TBPL1: variants seen among roughly 807,000 people sequenced by gnomAD.
The protein encoded by TBPL1 is TATA box-binding protein-like 1.
A neutral mutation model predicts 22.1 loss-of-function variants in TBPL1; 4 were observed. That is an observed-to-expected ratio of 0.18 (90% CI 0.09 to 0.41). The LOEUF is 0.41. Ranked by LOEUF, TBPL1 falls within the 10% of genes least tolerant of loss-of-function variation. The pLI is 1.00. For missense variants in TBPL1, 115 were observed against 222.3 expected, an observed-to-expected ratio of 0.52 and a Z score of 3.07; for synonymous variants, 64 against 71.0, an observed-to-expected ratio of 0.90 and a Z score of 0.50.
At chr6:133,978,053 A>G (rs1035858048) in intron 1 of TBPL1, among the ~76,000 whole-genome samples, 6 of 152,190 alleles carry the variant, frequency 3.9e-5, no homozygotes, top group Non-Finnish European at 5.9e-5. Context: ...GCTGACATCT[A>G]TAGTATTTTA....
rs145377349 is a variant in TBPL1 at position 133,963,990 on chromosome 6, G to A, written c.-45+10565G>A. Among the ~76,000 whole-genome samples the A allele has an allele frequency of 1.9e-4, 29 of 152,200 alleles. No individual in the cohort carries two copies. In the East Asian group the frequency reaches 4.8e-3, roughly 25 times the overall value. The stretch of plus-strand genomic sequence containing the variant: ...TGGGAGGCGGAGGTTGCAATGAGCC[G>A]AGATCGTGACACTGCACTCCAGCCT... On this transcript the variant is annotated intron_variant, in intron 1 of 6. Transcript: ENST00000237264.
chr6:133,982,785 C>A, intron 3 of TBPL1, 32 bp from the exon 4 acceptor site: 2 of 1,604,484 alleles, frequency 1.2e-6, no homozygotes, highest in Non-Finnish European at 1.7e-6. Context: ...TCCTGTGTAA[C>A]TGATAATCTT....
At chr6:133,967,556 A>G (rs758489412) in intron 1 of TBPL1, among the ~76,000 whole-genome samples, 2 of 152,214 alleles carry the variant, frequency 1.3e-5, no homozygotes, top group Non-Finnish European at 2.9e-5. Context: ...CCCAGACGGT[A>G]GAATCTACTA....
At position 133,988,782 on chromosome 6, in the gene TBPL1, A is replaced by G. The variant is rs1776575863; in HGVS notation, c.*1742A>G. 6.6e-6 allele frequency: 1 copy of G among 152,160 alleles called. No individual in the cohort carries two copies. Among genetic ancestry groups the G allele is most frequent in the African/African-American group, 2.4e-5 (1 of 41,426 alleles). 9.4% of individuals were successfully genotyped at this position (152,160 alleles called of 1,614,324 possible). A position where few individuals can be genotyped will look rare whatever the true frequency, so the allele number is the denominator to read the frequency against. ...TATTTTAAGATTCAGTAGGATAGCC[A>G]AATTCATAGAGAATAAAATTACATG... On this transcript the variant is annotated 3_prime_UTR_variant, in exon 7 of 7. Coordinates refer to ENST00000237264, the MANE Select transcript of TBPL1 (RefSeq NM_004865.4).
At chr6:133,966,437 G>T (rs910508662) in intron 1 of TBPL1, among the ~76,000 whole-genome samples, 4 of 152,118 alleles carry the variant, frequency 2.6e-5, no homozygotes, top group African/African-American at 9.7e-5. Context: ...GAGTTCCTTT[G>T]ATTTTTAAAT....
intron 1 of TBPL1, among the ~76,000 whole-genome samples, chr6:133,970,944 A>G (rs1776209918): frequency 6.6e-6 from 1 of 152,174 alleles, no homozygotes; most frequent in Admixed American, 6.5e-5. Context: ...TCTTTGTGGT[A>G]AGAACAGTCA....
rs751542640 is a variant in TBPL1 at position 133,987,005 on chromosome 6, C to T, written c.526C>T (p.Pro176Ser). 5.0e-6 allele frequency: 8 copies of T among 1,608,358 alleles called. No individual in the cohort carries two copies. Among genetic ancestry groups the T allele is most frequent in the Non-Finnish European group, 6.8e-6 (8 of 1,177,434 alleles). Residue 176 changes from proline (P) to serine (S), a missense_variant, in exon 7 of 7, where the codon CCA becomes TCA. Physicochemically the swap from Pro to Ser is moderately conservative, Grantham distance 74 (BLOSUM62 -1). Coordinates refer to ENST00000237264, the MANE Select transcript of TBPL1 (RefSeq NM_004865.4). ...AVATAVEQIY[P>S]FVFESRKEIL Reference sequence around the variant, plus strand: ...TGCTACTGCTGTGGAACAGATTTACCCATTTGTGTTTGAAAGCAGGAAAGA... The same window carrying T: ...TGCTACTGCTGTGGAACAGATTTACTCATTTGTGTTTGAAAGCAGGAAAGA...
chr6:133,959,335 C>G (rs1358556502), intron 1 of TBPL1, among the ~76,000 whole-genome samples: 2 of 151,898 alleles, frequency 1.3e-5, no homozygotes, highest in African/African-American at 2.4e-5. Flanking sequence ...GCACGAGCCA[C>G]CATGCCTGGC....
Position 133,985,300 on chromosome 6 carries a change from ATATATATATATATATATAT to A in TBPL1, c.481+630_481+648del, listed in dbSNP as rs1582586626. ...CTAAAAAAAAAAAAAAAAAAAAAAT[ATATATATATATATATATAT>A]ATATATATATATATATATACACACA... On this transcript the variant is annotated intron_variant, in intron 6 of 6. Transcript: ENST00000237264. Among the ~76,000 whole-genome samples, 15 of 35,724 alleles carry A rather than the reference ATATATATATATATATATAT, an allele frequency of 4.2e-4. 5 individuals carry two copies. Among genetic ancestry groups the A allele is most frequent in the Non-Finnish European group, 4.6e-4 (9 of 19,454 alleles). 23.4% of individuals were successfully genotyped at this position (35,724 alleles called of 152,430 possible).
At chr6:133,961,459 TTC>T (rs1199194494) in intron 1 of TBPL1, among the ~76,000 whole-genome samples, 1 of 142,178 alleles carries the variant, frequency 7.0e-6, no homozygotes, top group African/African-American at 2.7e-5. Flanking sequence ...TTAAGATTCT[TTC>T]TTTCTTTTTT....
At chr6:133,985,294 AAAAAT>A (rs1309035521) in intron 6 of TBPL1, among the ~76,000 whole-genome samples, 1 of 68,076 alleles carries the variant, frequency 1.5e-5, no homozygotes, top group African/African-American at 6.4e-5. Context: ...AAAAAAAAAA[AAAAAT>A]ATATATATAT....
chr6:133,952,616 G>A (rs1775852339), upstream of TBPL1: 1 of 152,126 alleles, frequency 6.6e-6, no homozygotes, highest in Non-Finnish European at 1.5e-5. The surrounding 1 kb of genome is among the most constrained non-coding windows in gnomAD (Gnocchi z 4.5). Flanking sequence ...ATTCCAATTC[G>A]CCTAGTGAGG....
At position 133,977,392 on chromosome 6, in the gene TBPL1, CT is replaced by C. The variant is rs547258311; in HGVS notation, c.-44-2684del. Among the ~76,000 whole-genome samples, 11 of 152,176 alleles carry C rather than the reference CT, an allele frequency of 7.2e-5. No homozygotes were observed. The East Asian group carries it at 2.1e-3, about 29-fold the overall frequency. On this transcript the variant is annotated intron_variant, in intron 1 of 6. Coordinates refer to ENST00000237264, the MANE Select transcript of TBPL1 (RefSeq NM_004865.4). ...TCACCAATTTTGAATTTCAAGGCTT[CT>C]TTTTTGCATTCACACAGATTTTCTT...
chr6:133,957,135 G>A (rs925572243), intron 1 of TBPL1, among the ~76,000 whole-genome samples: 1 of 152,138 alleles, frequency 6.6e-6, no homozygotes, highest in African/African-American at 2.4e-5. Flanking sequence ...GGTTTTGTGG[G>A]TTGAAGCATG....
intron 1 of TBPL1, among the ~76,000 whole-genome samples, chr6:133,955,491 C>A (rs1439353593): frequency 6.6e-6 from 1 of 151,996 alleles, no homozygotes; most frequent in African/African-American, 2.4e-5. Flanking sequence ...GTGATTTTAT[C>A]TGTTGCATTT....
Position 133,985,567 on chromosome 6 carries a change from A to G in TBPL1, c.481+896A>G, listed in dbSNP as rs3822940. Among the ~76,000 whole-genome samples, 1,278 of 151,938 alleles carry G rather than the reference A, an allele frequency of 8.4e-3. 38 individuals are homozygous for G. Among genetic ancestry groups the G allele is most frequent in the Admixed American group, 0.062 (945 of 15,256 alleles). On this transcript the variant is annotated intron_variant, in intron 6 of 6. Coordinates refer to ENST00000237264, the MANE Select transcript of TBPL1 (RefSeq NM_004865.4). Reference sequence around the variant, plus strand: ...AGAAAACTAGGCATTCATGTCAGAGAGTAGCATTAGCATGCTGTGTGACAT... The same window carrying G: ...AGAAAACTAGGCATTCATGTCAGAGGGTAGCATTAGCATGCTGTGTGACAT...
intron 1 of TBPL1, among the ~76,000 whole-genome samples, chr6:133,953,733 G>A (rs1159268590): frequency 6.6e-6 from 1 of 151,982 alleles, no homozygotes; most frequent in East Asian, 1.9e-4. Context: ...AGAAAAGAAG[G>A]GTTATCTTTC....
intron 1 of TBPL1, among the ~76,000 whole-genome samples, chr6:133,954,451 G>GA (rs1460084882): frequency 6.6e-6 from 1 of 152,232 alleles, no homozygotes; most frequent in Admixed American, 6.5e-5. Flanking sequence ...ATTGAGAAGT[G>GA]ACTGTTAGCA....
At chr6:133,985,335 T>TATATATATATATAC (rs1582586765) in intron 6 of TBPL1, among the ~76,000 whole-genome samples, 1 of 106,618 alleles carries the variant, frequency 9.4e-6, no homozygotes, top group Non-Finnish European at 1.8e-5. Flanking sequence ...TATATATATA[T>TATATATATATATAC]ATACACACAT....
Sources: gnomAD v4.1 joint callset for allele counts (sites outside exome capture counted in the v4.1 genomes callset) on GRCh38, gnomAD v4.1.1 for gene constraint, Gnocchi (gnomAD v3.1) non-coding constraint, MANE v1.5 for transcripts, NCBI Gene and HGNC (gene_info 2026-07-23, HGNC 2026-07-21) for gene names.